Variants in SAMD12 observed in about 807,000 individuals in gnomAD.
SAMD12 encodes the protein sterile alpha motif domain-containing protein 12.
Under a neutral mutation model 15.0 loss-of-function variants are expected in SAMD12, and 9 were observed. That is an observed-to-expected ratio of 0.60 (90% CI 0.36 to 1.05). The LOEUF (loss-of-function observed/expected upper bound fraction) is 1.05. Among genes scored for constraint, SAMD12 ranks in the 50% least tolerant of loss-of-function variants. The pLI, the probability that SAMD12 is intolerant of heterozygous loss-of-function variation, is 0.01. For missense variants in SAMD12, 230 were observed against 234.2 expected (o/e 0.98, Z 0.12); for synonymous variants, 86 against 90.1 (o/e 0.96, Z 0.25).
intron 2 of SAMD12, among the ~76,000 whole-genome samples, chr8:118,522,533 A>G (rs1300270185): frequency 1.3e-5 from 2 of 152,176 alleles, no homozygotes; most frequent in Admixed American, 1.3e-4. Flanking sequence ...AAAAACAGAA[A>G]ACAATCATTT....
chr8:118,267,764 A>G (rs1381243059), intron 4 of SAMD12, among the ~76,000 whole-genome samples: 1 of 151,936 alleles, frequency 6.6e-6, no homozygotes, highest in East Asian at 1.9e-4. Context: ...TACAGTTTAA[A>G]AGAATCAAAC....
intron 2 of SAMD12, among the ~76,000 whole-genome samples, chr8:118,516,476 C>G (rs1825247705): frequency 6.6e-6 from 1 of 152,130 alleles, no homozygotes. Context: ...GATTGCTATC[C>G]TGGGTACAGC....
intron 4 of SAMD12, among the ~76,000 whole-genome samples, chr8:118,298,425 T>G (rs938973544): frequency 6.6e-6 from 1 of 152,110 alleles, no homozygotes; most frequent in East Asian, 1.9e-4. Context: ...ATTTAAGAAT[T>G]TTTTTTAAAA....
intron 3 of SAMD12, among the ~76,000 whole-genome samples, chr8:118,411,273 G>C (rs1419257377): frequency 1.3e-5 from 2 of 152,128 alleles, no homozygotes; most frequent in Non-Finnish European, 2.9e-5. Context: ...TTTACTCCTT[G>C]CTTAGTTCAA....
intron 2 of SAMD12, among the ~76,000 whole-genome samples, chr8:118,523,943 C>T (rs1202686057): frequency 6.6e-6 from 1 of 152,118 alleles, no homozygotes; most frequent in African/African-American, 2.4e-5. Flanking sequence ...TCCTTTAAGT[C>T]AAACTGTCCA....
intron 4 of SAMD12, among the ~76,000 whole-genome samples, chr8:118,231,852 C>T (rs1385196598): frequency 1.3e-5 from 2 of 151,420 alleles, no homozygotes; most frequent in Non-Finnish European, 1.5e-5. Flanking sequence ...GCCATGAGAA[C>T]GTGGTGTGAA....
intron 4 of SAMD12, among the ~76,000 whole-genome samples, chr8:118,263,492 C>A (rs116930984): frequency 2.0e-5 from 3 of 151,920 alleles, no homozygotes; most frequent in Non-Finnish European, 4.4e-5. Flanking sequence ...GAGGCACAGA[C>A]AAATGTACCC....
chr8:118,428,381 A>T (rs1822297551), intron 3 of SAMD12, among the ~76,000 whole-genome samples: 1 of 151,966 alleles, frequency 6.6e-6, no homozygotes, highest in Non-Finnish European at 1.5e-5. Context: ...CGTGGGCAAC[A>T]GAGCAAGACG....
intron 4 of SAMD12, among the ~76,000 whole-genome samples, chr8:118,353,184 A>T (rs1192034524): frequency 6.6e-6 from 1 of 150,576 alleles, no homozygotes; most frequent in African/African-American, 2.5e-5. Context: ...ATATCTAGTG[A>T]GCATGTTCTC....
Position 118,299,213 on chromosome 8 carries a change from G to A in SAMD12, c.433+80347C>T, listed in dbSNP as rs144894920. ...CTAGAGGGAACTGATATATAAATAA[G>A]GTACCAGAGCCTGGGAGCTCAGAGT... is the stretch of plus-strand genomic sequence containing the variant. On this transcript the variant is annotated intron_variant, in intron 4 of 4. Transcript: ENST00000409003. 4.6e-5 allele frequency among the ~76,000 whole-genome samples: 7 copies of A among 152,254 alleles called. No individual in the cohort carries two copies. In the East Asian group the frequency reaches 9.6e-4, roughly 21 times the overall value.
intron 4 of SAMD12, among the ~76,000 whole-genome samples, chr8:118,293,497 C>A (rs1471827954): frequency 6.6e-6 from 1 of 152,176 alleles, no homozygotes; most frequent in Non-Finnish European, 1.5e-5. Context: ...AAAACAGAAA[C>A]ATACAGAAGT....
At chr8:118,367,963 A>C (rs2130666619) in intron 4 of SAMD12, among the ~76,000 whole-genome samples, 1 of 152,350 alleles carries the variant, frequency 6.6e-6, no homozygotes, top group African/African-American at 2.4e-5. Flanking sequence ...CAGAATAAAA[A>C]CGAAACAGGA....
intron 4 of SAMD12, among the ~76,000 whole-genome samples, chr8:118,301,317 G>C (rs1259864237): frequency 9.9e-5 from 15 of 152,080 alleles, no homozygotes. Context: ...AAATGTGAAG[G>C]AAAAATTCAA....
chr8:118,265,411 C>T (rs1813175022), intron 4 of SAMD12, among the ~76,000 whole-genome samples: 1 of 151,966 alleles, frequency 6.6e-6, no homozygotes, highest in Non-Finnish European at 1.5e-5. Context: ...GATGGAAATT[C>T]AGGAGTTTAA....
intron 4 of SAMD12, among the ~76,000 whole-genome samples, chr8:118,234,726 A>AAAC (rs1297515120): frequency 1.3e-5 from 2 of 151,586 alleles, no homozygotes; most frequent in Non-Finnish European, 2.9e-5. Context: ...AAAAAAAAAA[A>AAAC]AAAGAAATAC....
chr8:118,384,488 T>C (rs748035804), intron 3 of SAMD12, among the ~76,000 whole-genome samples: 4 of 152,116 alleles, frequency 2.6e-5, no homozygotes, highest in Admixed American at 6.6e-5. Flanking sequence ...TAAGAAATAG[T>C]AAAACTCTGG....
chr8:118,167,900 C>G, the SAMD12 span, among the ~76,000 whole-genome samples: 1 of 152,116 alleles, frequency 6.6e-6, no homozygotes, highest in Non-Finnish European at 1.5e-5. Context: ...GCATTGACAT[C>G]CAACTGAACA....
At chr8:118,588,114 A>G (rs1827497237) in intron 1 of SAMD12, among the ~76,000 whole-genome samples, 2 of 152,184 alleles carry the variant, frequency 1.3e-5, no homozygotes, top group Admixed American at 6.5e-5. Context: ...CTGAGGATGA[A>G]ACTTTCTTGC....
chr8:118,377,763 C>T (rs1271097913), downstream of SAMD12, among the ~76,000 whole-genome samples: 1 of 152,104 alleles, frequency 6.6e-6, no homozygotes, highest in Non-Finnish European at 1.5e-5. Context: ...GTCAAAGGCA[C>T]ACATAATGCG....
Sources: gnomAD v4.1 joint callset for allele counts (sites outside exome capture counted in the v4.1 genomes callset) on GRCh38, gnomAD v4.1.1 for gene constraint, MANE v1.5 for transcripts, NCBI Gene and HGNC (gene_info 2026-07-23, HGNC 2026-07-21) for gene names.